Variants in CSNK2A2IP observed in about 807,000 individuals in gnomAD.
CSNK2A2IP encodes casein kinase II subunit alpha'-interacting protein.
chr3:88,445,967 T>C, the CSNK2A2IP span, among the ~76,000 whole-genome samples: 4 of 119,030 alleles, frequency 3.4e-5, no homozygotes, highest in East Asian at 6.5e-4. Context: ...TCTCCCTCCC[T>C]CCCTCTCTCT....
At chr3:88,442,224 G>A in the CSNK2A2IP span, among the ~76,000 whole-genome samples, 3 of 151,834 alleles carry the variant, frequency 2.0e-5, no homozygotes, top group African/African-American at 4.8e-5. Context: ...TTTCTTTTTA[G>A]TGACAGGGTC....
chr3:88,385,548 A>G, the CSNK2A2IP span, among the ~76,000 whole-genome samples: 1 of 152,204 alleles, frequency 6.6e-6, no homozygotes, highest in East Asian at 1.9e-4. Flanking sequence ...ATGATTTGAA[A>G]TGAGATAGTA....
At chr3:88,391,726 T>G in the CSNK2A2IP span, among the ~76,000 whole-genome samples, 1 of 152,060 alleles carries the variant, frequency 6.6e-6, no homozygotes. Flanking sequence ...ATCTTTGGAG[T>G]GGAAGCAGTA....
the CSNK2A2IP span, among the ~76,000 whole-genome samples, chr3:88,388,436 T>C: frequency 1.8e-4 from 27 of 152,340 alleles, no homozygotes; most frequent in Non-Finnish European, 3.2e-4. Context: ...AAATGTAGTG[T>C]CAAAATGTTA....
the CSNK2A2IP span, among the ~76,000 whole-genome samples, chr3:88,388,437 C>G: frequency 6.6e-6 from 1 of 152,106 alleles, no homozygotes; most frequent in Non-Finnish European, 1.5e-5. Flanking sequence ...AATGTAGTGT[C>G]AAAATGTTAC....
At chr3:88,424,016 T>C in the CSNK2A2IP span, among the ~76,000 whole-genome samples, 1 of 152,162 alleles carries the variant, frequency 6.6e-6, no homozygotes, top group Non-Finnish European at 1.5e-5. Flanking sequence ...ATCTTGATGG[T>C]TCTTCTCTCC....
At chr3:88,460,903 C>A in the CSNK2A2IP span, among the ~76,000 whole-genome samples, 2 of 152,010 alleles carry the variant, frequency 1.3e-5, no homozygotes, top group Non-Finnish European at 2.9e-5. Flanking sequence ...ACCTGACCAA[C>A]AGGGCGAAAT....
chr3:88,446,119 T>C, the CSNK2A2IP span, among the ~76,000 whole-genome samples: 118 of 148,086 alleles, frequency 8.0e-4, 1 homozygote, highest in Non-Finnish European at 1.5e-3. Flanking sequence ...TCTTTCTTTT[T>C]TTTCTTTCTT....
chr3:88,375,357 C>A, the CSNK2A2IP span, among the ~76,000 whole-genome samples: 1 of 151,708 alleles, frequency 6.6e-6, no homozygotes, highest in African/African-American at 2.4e-5. Flanking sequence ...GTTGGGTGAA[C>A]CTTATGGTAG....
At chr3:88,417,210 T>G in the CSNK2A2IP span, among the ~76,000 whole-genome samples, 1 of 152,176 alleles carries the variant, frequency 6.6e-6, no homozygotes, top group African/African-American at 2.4e-5. Context: ...TTAGTTTATT[T>G]ACACAATATC....
the CSNK2A2IP span, among the ~76,000 whole-genome samples, chr3:88,459,659 T>C: frequency 0.012 from 1,858 of 152,266 alleles, 42 homozygotes; most frequent in African/African-American, 0.042. Context: ...CTAGCTCACA[T>C]TTAACTACCA....
At chr3:88,466,601 A>C in the CSNK2A2IP span, 1 of 1,231,580 alleles carries the variant, frequency 8.1e-7, no homozygotes, top group African/African-American at 1.5e-5. Flanking sequence ...TGGACTTTAA[A>C]GTATAGTCAG....
chr3:88,397,688 T>A, the CSNK2A2IP span, among the ~76,000 whole-genome samples: 1 of 152,090 alleles, frequency 6.6e-6, no homozygotes, highest in Admixed American at 6.6e-5. Context: ...ATATTAAAAT[T>A]GTTTAGCATA....
chr3:88,358,191 C>T, the CSNK2A2IP span, among the ~76,000 whole-genome samples: 1 of 152,112 alleles, frequency 6.6e-6, no homozygotes, highest in Non-Finnish European at 1.5e-5. Flanking sequence ...GACTTTGTAT[C>T]TTTGAACTTT....
the CSNK2A2IP span, among the ~76,000 whole-genome samples, chr3:88,346,770 ATGT>A: frequency 2.0e-5 from 3 of 152,030 alleles, no homozygotes; most frequent in Non-Finnish European, 4.4e-5. Flanking sequence ...AAGGAGATTA[ATGT>A]TGTTAAGCCT....
At chr3:88,450,847 A>G in the CSNK2A2IP span, among the ~76,000 whole-genome samples, 5 of 152,188 alleles carry the variant, frequency 3.3e-5, no homozygotes, top group African/African-American at 1.2e-4. Flanking sequence ...TAGTGATTTC[A>G]TTTCCTCTGG....
the CSNK2A2IP span, among the ~76,000 whole-genome samples, chr3:88,447,445 A>T: frequency 6.6e-6 from 1 of 152,260 alleles, no homozygotes; most frequent in East Asian, 1.9e-4. Flanking sequence ...TTTTAAAAAT[A>T]ATTCTAACTG....
chr3:88,414,270 GTTTTTTTTTTTTTTTTTTT>G, the CSNK2A2IP span, among the ~76,000 whole-genome samples: 1 of 64,106 alleles, frequency 1.6e-5, no homozygotes, highest in African/African-American at 7.3e-5. Flanking sequence ...TACCAACAAA[GTTTTTTTTTTTTTTTTTTT>G]TTTTTTTTTT....
chr3:88,379,328 A>T, the CSNK2A2IP span, among the ~76,000 whole-genome samples: 2 of 152,082 alleles, frequency 1.3e-5, no homozygotes, highest in Non-Finnish European at 2.9e-5. Flanking sequence ...AGATTGTGAC[A>T]GCTTATTTCT....
Sources: gnomAD v4.1 joint callset for allele counts (sites outside exome capture counted in the v4.1 genomes callset) on GRCh38, gnomAD v4.1.1 for gene constraint, MANE v1.5 for transcripts, NCBI Gene and HGNC (gene_info 2026-07-23, HGNC 2026-07-21) for gene names.